USP24: variants seen among roughly 807,000 people sequenced by gnomAD.
USP24 encodes ubiquitin carboxyl-terminal hydrolase 24.
In USP24, 97 loss-of-function variants were observed where a neutral mutation model predicts 361.6. The observed-to-expected ratio is 0.27, with a 90% CI of 0.23 to 0.32. The LOEUF is 0.32. USP24 is among the 10% of genes least tolerant of loss of function. USP24 has a pLI of 1.00. For missense variants in USP24, 2,353 were observed against 3,165.6 expected (o/e 0.74, Z 6.16); for synonymous variants, 1,098 against 1,124.6 (o/e 0.98, Z 0.47).
chr1:55,099,921 G>T, intron 44 of USP24, 52 bp from the exon 45 acceptor site: 2 of 1,328,438 alleles, frequency 1.5e-6, no homozygotes, highest in Non-Finnish European at 2.1e-6. Context: ...ATTTCTGAAT[G>T]TGGTAGAAAG....
chr1:55,135,756 T>G (rs758281669), intron 28 of USP24, among the ~76,000 whole-genome samples: 5 of 152,026 alleles, frequency 3.3e-5, no homozygotes, highest in Non-Finnish European at 7.4e-5. Context: ...GGGGGAAATA[T>G]ATATAATAAC....
chr1:55,210,226 C>A (rs1644815769), intron 1 of USP24, among the ~76,000 whole-genome samples: 1 of 152,064 alleles, frequency 6.6e-6, no homozygotes, highest in African/African-American at 2.4e-5. Context: ...ACCTAATTCC[C>A]AAAGGAGATA....
At chr1:55,185,736 ATTT>A (rs35643676) in intron 1 of USP24, among the ~76,000 whole-genome samples, 3 of 144,682 alleles carry the variant, frequency 2.1e-5, no homozygotes. Flanking sequence ...CATCTTTCTG[ATTT>A]TTTTTTTTTT....
intron 28 of USP24, among the ~76,000 whole-genome samples, chr1:55,135,760 T>C (rs1363093332): frequency 6.6e-6 from 1 of 151,888 alleles, no homozygotes; most frequent in African/African-American, 2.4e-5. Context: ...GAAATATATA[T>C]AATAACCATA....
At chr1:55,136,795 A>G (rs572598628) in intron 28 of USP24, among the ~76,000 whole-genome samples, 1 of 152,178 alleles carries the variant, frequency 6.6e-6, no homozygotes, top group Non-Finnish European at 1.5e-5. Flanking sequence ...GGAAAAGGGT[A>G]TAAGGAGCTC....
intron 20 of USP24, 56 bp downstream of exon 20, chr1:55,145,942 G>C: frequency 8.0e-7 from 1 of 1,249,686 alleles, no homozygotes; most frequent in Non-Finnish European, 1.2e-6. Flanking sequence ...GTAAAGGAAA[G>C]AATAACACTT....
rs975673178 is a variant in USP24 at position 55,066,706 on chromosome 1, A to G, written c.*2339T>C. The stretch of plus-strand genomic sequence containing the variant: ...CGCTGGGATGCTTGTTTTCTTTCCC[A>G]GGATGCCTTCAACGGGCAGAATCGG... On this transcript the variant is annotated 3_prime_UTR_variant, in exon 68 of 68. Transcript: ENST00000294383. The G allele has an allele frequency of 6.6e-6, 1 of 152,198 alleles. No homozygotes were observed. The highest frequency in any genetic ancestry group is 2.4e-5 in the African/African-American group (1 of 41,446). 9.4% of individuals were successfully genotyped at this position (152,198 alleles called of 1,614,324 possible). A position where few individuals can be genotyped will look rare whatever the true frequency, so the allele number is the denominator to read the frequency against.
At chr1:55,211,166 A>G (rs761093921) in intron 1 of USP24, among the ~76,000 whole-genome samples, 47 of 152,238 alleles carry the variant, frequency 3.1e-4, no homozygotes, top group Non-Finnish European at 5.9e-4. Flanking sequence ...CAGAGTTTAC[A>G]TTAGCCATGC....
intron 32 of USP24, among the ~76,000 whole-genome samples, chr1:55,125,979 C>T (rs1189790295): frequency 6.6e-6 from 1 of 152,202 alleles, no homozygotes; most frequent in African/African-American, 2.4e-5. Flanking sequence ...ACCTTCCAAA[C>T]CTATTTTCAA....
chr1:55,071,243 G>A, intron 67 of USP24: 1 of 988,044 alleles, frequency 1.0e-6, no homozygotes, highest in South Asian at 4.7e-5. Context: ...CTATTGGAAA[G>A]ACGTAATGAT....
chr1:55,086,119 T>C (rs1039416956), intron 55 of USP24, 81 bp from the exon 56 acceptor site: 69 of 1,358,610 alleles, frequency 5.1e-5, no homozygotes, highest in African/African-American at 4.9e-4. Context: ...TCCCATCTAA[T>C]AGCCAAGAAA....
chr1:55,123,553 C>G lies in USP24; in HGVS notation c.4170G>C (p.Ala1390=). 1 of 1,600,954 alleles carries G rather than the reference C, an allele frequency of 6.2e-7. No homozygotes were observed. Among genetic ancestry groups the G allele is most frequent in the Non-Finnish European group, 8.5e-7 (1 of 1,173,668 alleles). ...CAGACTGTTGTCGAACACAGATTCC[C>G]GCATGCAGGGCTACTGGTTCTCCTT... is the stretch of plus-strand genomic sequence containing the variant. ...GSEGEPVALH[A]GICVRQQSVS... The change falls in exon 36 of 68, where the codon GCG becomes GCC. Residue 1390 remains alanine (A), a synonymous_variant. Coordinates refer to ENST00000294383, the MANE Select transcript of USP24 (RefSeq NM_015306.3).
Position 55,182,155 on chromosome 1 carries a change from G to C in USP24, c.325-4023C>G, listed in dbSNP as rs543785240. On this transcript the variant is annotated intron_variant, in intron 1 of 67. Coordinates refer to ENST00000294383, the MANE Select transcript of USP24 (RefSeq NM_015306.3). ...CAACTTCCGCTTCCCGGGTTCAAGC[G>C]ATTCTCCTGCCTCAGCCTCCCAAGT... Among the ~76,000 whole-genome samples, 230 of 152,268 alleles carry C rather than the reference G, an allele frequency of 1.5e-3. 1 individual carries two copies. The highest frequency in any genetic ancestry group is 5.4e-3 in the African/African-American group (224 of 41,548).
chr1:55,200,969 T>G (rs771351171), intron 1 of USP24, among the ~76,000 whole-genome samples: 1 of 152,204 alleles, frequency 6.6e-6, no homozygotes, highest in Non-Finnish European at 1.5e-5. Flanking sequence ...AAGTTCAAAT[T>G]TAATGTGTTA....
chr1:55,151,026 G>T (rs924843357), intron 16 of USP24, among the ~76,000 whole-genome samples: 6 of 152,162 alleles, frequency 3.9e-5, no homozygotes, highest in African/African-American at 1.4e-4. Flanking sequence ...TATTTCCACT[G>T]ATGAGGAACT....
chr1:55,153,673 T>C (rs1239522019), intron 16 of USP24, among the ~76,000 whole-genome samples, 197 bp downstream of exon 16: 3 of 151,992 alleles, frequency 2.0e-5, no homozygotes, highest in Admixed American at 2.0e-4. Context: ...TGATCCTAGA[T>C]TTTTTTTCCC....
At chr1:55,139,103 T>A in intron 24 of USP24, 93 bp from the exon 25 acceptor site, 3 of 1,138,710 alleles carry the variant, frequency 2.6e-6, no homozygotes, top group Non-Finnish European at 3.8e-6. Context: ...ACAATAACAG[T>A]TAGCACTCAC....
intron 1 of USP24, among the ~76,000 whole-genome samples, chr1:55,198,568 G>A (rs1256256863): frequency 6.6e-6 from 1 of 152,126 alleles, no homozygotes; most frequent in Non-Finnish European, 1.5e-5. Context: ...AGCATCCCTG[G>A]CCAGTAGCAC....
intron 57 of USP24, 28 bp from the exon 58 acceptor site, chr1:55,083,392 T>C (rs772123842): frequency 4.3e-6 from 7 of 1,609,370 alleles, no homozygotes; most frequent in Non-Finnish European, 5.9e-6. Context: ...GAATAACAAA[T>C]TATATTTCTA....
Sources: gnomAD v4.1 joint callset for allele counts (sites outside exome capture counted in the v4.1 genomes callset) on GRCh38, gnomAD v4.1.1 for gene constraint, MANE v1.5 for transcripts, NCBI Gene and HGNC (gene_info 2026-07-23, HGNC 2026-07-21) for gene names.